RAB38: variants seen among roughly 807,000 people sequenced by gnomAD.
The protein encoded by RAB38 is ras-related protein Rab-38.
RAB38 carries 15 observed loss-of-function variants against 18.4 expected under a neutral mutation model. The observed-to-expected ratio is 0.82, with a 90% CI of 0.55 to 1.26. The LOEUF is 1.26. RAB38 is among the 50% of genes most tolerant of loss of function. The pLI is 0.00. For synonymous variants in RAB38, 101 were observed against 104.4 expected, an observed-to-expected ratio of 0.97 and a Z score of 0.20; for missense variants, 294 against 267.4, an observed-to-expected ratio of 1.10 and a Z score of -0.69.
chr11:87,839,468 A>C, the RAB38 span, among the ~76,000 whole-genome samples: 317 of 152,282 alleles, frequency 2.1e-3, 1 homozygote, highest in Non-Finnish European at 3.3e-3. Flanking sequence ...AGGTCACCTG[A>C]CTTTTCAGTT....
chr11:88,055,635 C>T, the RAB38 span, among the ~76,000 whole-genome samples: 1,160 of 152,218 alleles, frequency 7.6e-3, 7 homozygotes, highest in Middle Eastern at 0.014. Context: ...GAGTATGGTG[C>T]TTGAATACAT....
the RAB38 span, among the ~76,000 whole-genome samples, chr11:87,893,390 A>ATATATATTATATATATTTTT: frequency 6.4e-5 from 6 of 93,916 alleles, no homozygotes; most frequent in African/African-American, 2.2e-4. Flanking sequence ...ATATATATAT[A>ATATATATTATATATATTTTT]TTTTTTTTTT....
chr11:88,170,769 A>G (rs1253941256), intron 1 of RAB38, among the ~76,000 whole-genome samples: 1 of 152,222 alleles, frequency 6.6e-6, no homozygotes, highest in Non-Finnish European at 1.5e-5. Flanking sequence ...TATTTAGCAG[A>G]GCTCTGCAGT....
chr11:88,052,580 T>C, the RAB38 span, among the ~76,000 whole-genome samples: 1 of 152,082 alleles, frequency 6.6e-6, no homozygotes, highest in East Asian at 1.9e-4. Flanking sequence ...TTTTATCAAA[T>C]AGATACTCTC....
the RAB38 span, among the ~76,000 whole-genome samples, chr11:87,886,865 T>C: frequency 2.0e-5 from 3 of 150,916 alleles, no homozygotes; most frequent in Non-Finnish European, 4.4e-5. Flanking sequence ...CCAGCCCATC[T>C]TCTGATACAT....
At chr11:87,813,683 G>A in the RAB38 span, among the ~76,000 whole-genome samples, 83 of 152,214 alleles carry the variant, frequency 5.5e-4, 2 homozygotes, top group South Asian at 0.015. Context: ...AGCAACTTTC[G>A]TACCATATTT....
chr11:87,907,399 C>CT, the RAB38 span, among the ~76,000 whole-genome samples: 1 of 151,274 alleles, frequency 6.6e-6, no homozygotes, highest in Non-Finnish European at 1.5e-5. Flanking sequence ...ATTGGTTTGT[C>CT]TTTTTTGCAA....
chr11:88,070,314 T>C, the RAB38 span, among the ~76,000 whole-genome samples: 1 of 152,014 alleles, frequency 6.6e-6, no homozygotes, highest in Admixed American at 6.6e-5. Flanking sequence ...ACTCCTGAAG[T>C]CAGCGAGACC....
At chr11:87,807,245 G>A in the RAB38 span, among the ~76,000 whole-genome samples, 1,094 of 152,278 alleles carry the variant, frequency 7.2e-3, 13 homozygotes, top group African/African-American at 0.025. Flanking sequence ...GACTGCTGAT[G>A]CATAGAAAAT....
At chr11:88,062,217 G>C in the RAB38 span, 1 of 151,866 alleles carries the variant, frequency 6.6e-6, no homozygotes, top group African/African-American at 2.4e-5. Flanking sequence ...TTCGATCACG[G>C]GGGTGGTTTC....
the RAB38 span, among the ~76,000 whole-genome samples, chr11:87,933,130 A>G: frequency 7.2e-5 from 11 of 152,154 alleles, no homozygotes; most frequent in African/African-American, 2.2e-4. Context: ...CTCAAGTTCC[A>G]GATTAGCCAG....
At chr11:88,159,316 AC>A (rs1943161738) in intron 1 of RAB38, among the ~76,000 whole-genome samples, 1 of 151,462 alleles carries the variant, frequency 6.6e-6, no homozygotes, top group African/African-American at 2.4e-5. Flanking sequence ...ATGAAACACT[AC>A]TAAAAACAAT....
the RAB38 span, among the ~76,000 whole-genome samples, chr11:87,914,573 G>GT: frequency 5.3e-5 from 8 of 152,246 alleles, no homozygotes; most frequent in Admixed American, 4.6e-4. Flanking sequence ...TTGGAGAAAT[G>GT]TTTAGCCTAC....
At chr11:87,957,298 C>A in the RAB38 span, among the ~76,000 whole-genome samples, 2 of 151,998 alleles carry the variant, frequency 1.3e-5, no homozygotes, top group Non-Finnish European at 2.9e-5. Context: ...CTTCCTGCTT[C>A]TCTCCCCTCA....
chr11:88,122,394 G>A (rs375740063), intron 2 of RAB38, among the ~76,000 whole-genome samples: 4 of 152,150 alleles, frequency 2.6e-5, no homozygotes, highest in East Asian at 1.9e-4. Context: ...ATAAAGATAA[G>A]CATAAAGATT....
chr11:87,884,506 T>C, the RAB38 span, among the ~76,000 whole-genome samples: 5 of 151,920 alleles, frequency 3.3e-5, no homozygotes, highest in Non-Finnish European at 7.4e-5. Context: ...GAAGAAAGAA[T>C]GCTCTGGGCC....
At chr11:88,072,011 A>C in the RAB38 span, among the ~76,000 whole-genome samples, 48 of 152,348 alleles carry the variant, frequency 3.2e-4, no homozygotes, top group East Asian at 9.3e-3. Flanking sequence ...CCTTTCATAC[A>C]TACACAATGT....
the RAB38 span, among the ~76,000 whole-genome samples, chr11:87,844,606 G>T: frequency 6.6e-6 from 1 of 152,074 alleles, no homozygotes. Context: ...TTTATCTCAG[G>T]TTTCTTACTT....
chr11:87,832,873 A>G, the RAB38 span, among the ~76,000 whole-genome samples: 1 of 151,918 alleles, frequency 6.6e-6, no homozygotes, highest in Non-Finnish European at 1.5e-5. Flanking sequence ...CACAAGTTCC[A>G]GAGATTAGAA....
Sources: allele counts gnomAD v4.1 joint callset (sites outside exome capture counted in the v4.1 genomes callset), GRCh38; gene constraint gnomAD v4.1.1; transcripts MANE v1.5; gene names NCBI Gene and HGNC (gene_info 2026-07-23, HGNC 2026-07-21).